The following RBFOX1 variants were observed in gnomAD, a reference collection of about 807,000 sequenced individuals.
RBFOX1 encodes RNA binding protein fox-1 homolog 1.
In RBFOX1, 8 loss-of-function variants were observed where a neutral mutation model predicts 57.7. That is an observed-to-expected ratio of 0.14 (90% CI 0.08 to 0.25). RBFOX1 has a LOEUF of 0.25. RBFOX1 is among the 10% of genes least tolerant of loss of function. The pLI, the probability that RBFOX1 is intolerant of heterozygous loss-of-function variation, is 1.00. For missense variants in RBFOX1, 611 were observed against 548.5 expected (o/e 1.11, Z -1.14); for synonymous variants, 326 against 222.4 (o/e 1.47, Z -4.15).
At chr16:7,013,124 G>C (rs1568367900) in intron 3 of RBFOX1, among the ~76,000 whole-genome samples, 2 of 152,142 alleles carry the variant, frequency 1.3e-5, no homozygotes, top group Non-Finnish European at 2.9e-5. Context: ...AATGTCTTTA[G>C]ACTGAGGGTT....
chr16:7,204,867 G>A (rs1296002175), intron 4 of RBFOX1, among the ~76,000 whole-genome samples: 1 of 151,956 alleles, frequency 6.6e-6, no homozygotes, highest in Non-Finnish European at 1.5e-5. Flanking sequence ...CTACTCCTTG[G>A]TTTTCTGTTC....
chr16:6,606,535 G>A (rs2097929149), intron 2 of RBFOX1, among the ~76,000 whole-genome samples: 1 of 151,964 alleles, frequency 6.6e-6, no homozygotes, highest in African/African-American at 2.4e-5. Flanking sequence ...CCCTCTACGA[G>A]GCCCCATTGT....
intron 2 of RBFOX1, among the ~76,000 whole-genome samples, chr16:5,538,845 C>G (rs1228894068): frequency 6.6e-6 from 1 of 152,088 alleles, no homozygotes; most frequent in African/African-American, 2.4e-5. Context: ...CCATGATGTT[C>G]TCGATCTCCT....
intron 4 of RBFOX1, among the ~76,000 whole-genome samples, chr16:7,302,689 A>T (rs1452955146): frequency 1.3e-5 from 2 of 151,384 alleles, no homozygotes; most frequent in African/African-American, 4.9e-5. Context: ...TTAAAAAAAT[A>T]TGGCTACTCT....
chr16:6,082,735 C>A (rs1296145274), intron 1 of RBFOX1, among the ~76,000 whole-genome samples: 2 of 152,094 alleles, frequency 1.3e-5, no homozygotes, highest in Non-Finnish European at 2.9e-5. Flanking sequence ...AGAATGATCA[C>A]TCAAATAGAA....
At chr16:6,877,017 C>G (rs1219366236) in intron 3 of RBFOX1, among the ~76,000 whole-genome samples, 1 of 152,108 alleles carries the variant, frequency 6.6e-6, no homozygotes, top group Non-Finnish European at 1.5e-5. Context: ...TACTATATTT[C>G]TGCTATTGTT....
chr16:6,982,993 TAAAAAA>T (rs370173635), intron 3 of RBFOX1, among the ~76,000 whole-genome samples: 1,123 of 79,354 alleles, frequency 0.014, 20 homozygotes, highest in African/African-American at 0.049. Context: ...AGACTCTGTC[TAAAAAA>T]AAAAAAAAAA....
At chr16:7,693,319 C>A in intron 14 of RBFOX1, 1 of 1,612,860 alleles carries the variant, frequency 6.2e-7, no homozygotes, top group Non-Finnish European at 8.5e-7. Flanking sequence ...TTCCAGAAAT[C>A]AGTTCGTCTT....
intron 4 of RBFOX1, among the ~76,000 whole-genome samples, chr16:7,361,364 T>A (rs966703797): frequency 3.3e-5 from 5 of 152,210 alleles, no homozygotes; most frequent in Admixed American, 2.6e-4. Context: ...TAAGCAGATG[T>A]TTGCTCTTGG....
At chr16:6,061,512 G>T (rs867938676) in intron 1 of RBFOX1, among the ~76,000 whole-genome samples, 8 of 151,094 alleles carry the variant, frequency 5.3e-5, no homozygotes, top group Admixed American at 6.6e-5. Context: ...ATAGTATATT[G>T]TTACAAATAT....
chr16:5,459,484 C>A (rs915966276), intron 1 of RBFOX1, among the ~76,000 whole-genome samples: 1 of 151,732 alleles, frequency 6.6e-6, no homozygotes, highest in African/African-American at 2.4e-5. Flanking sequence ...TCTCTGAATC[C>A]CAGGCTCACG....
At chr16:7,467,653 G>T (rs952642224) in intron 4 of RBFOX1, among the ~76,000 whole-genome samples, 3 of 152,216 alleles carry the variant, frequency 2.0e-5, no homozygotes, top group Non-Finnish European at 2.9e-5. Context: ...TTGCTAGGGT[G>T]TCTGAGGATT....
At chr16:7,151,599 G>C (rs185810325) in intron 4 of RBFOX1, among the ~76,000 whole-genome samples, 16 of 152,248 alleles carry the variant, frequency 1.1e-4, no homozygotes, top group Non-Finnish European at 1.8e-4. Flanking sequence ...ATGGGAAAAT[G>C]GAGGGAATGA....
At chr16:7,112,763 T>C (rs1208622522) in intron 4 of RBFOX1, among the ~76,000 whole-genome samples, 1 of 151,336 alleles carries the variant, frequency 6.6e-6, no homozygotes, top group Non-Finnish European at 1.5e-5. Flanking sequence ...AGACTCAGGT[T>C]TGAGCTTCAT....
chr16:5,437,851 C>G (rs2067963684), intron 1 of RBFOX1, among the ~76,000 whole-genome samples: 1 of 152,002 alleles, frequency 6.6e-6, no homozygotes, highest in Non-Finnish European at 1.5e-5. Flanking sequence ...TGAAAAGAAC[C>G]ATTGAAATAT....
intron 3 of RBFOX1, among the ~76,000 whole-genome samples, chr16:6,775,373 C>T (rs1467526406): frequency 3.8e-5 from 5 of 132,312 alleles, no homozygotes; most frequent in Non-Finnish European, 8.2e-5. Flanking sequence ...AGCCTACAAA[C>T]AGACACACCC....
At chr16:5,936,941 A>G (rs147327324) in intron 4 of RBFOX1, among the ~76,000 whole-genome samples, 46 of 152,286 alleles carry the variant, frequency 3.0e-4, no homozygotes, top group African/African-American at 1.1e-3. Flanking sequence ...AGAGCACTGC[A>G]TACATCTGTT....
At chr16:5,927,758 A>G (rs1318402440) in intron 4 of RBFOX1, among the ~76,000 whole-genome samples, 1 of 152,240 alleles carries the variant, frequency 6.6e-6, no homozygotes, top group Non-Finnish European at 1.5e-5. Context: ...ATGGAATACT[A>G]TTCAGCCTTG....
At chr16:6,802,207 C>G (rs897900562) in intron 3 of RBFOX1, among the ~76,000 whole-genome samples, 17 of 152,112 alleles carry the variant, frequency 1.1e-4, no homozygotes, top group Non-Finnish European at 1.5e-5. Flanking sequence ...TAGATGGGCT[C>G]TGGCTGCCTC....
Sources: allele counts gnomAD v4.1 joint callset (sites outside exome capture counted in the v4.1 genomes callset), GRCh38; gene constraint gnomAD v4.1.1; transcripts MANE v1.5; gene names NCBI Gene and HGNC (gene_info 2026-07-23, HGNC 2026-07-21).